FSTL5: variants seen among roughly 807,000 people sequenced by gnomAD.
FSTL5 encodes the protein follistatin like 5, also known as follistatin-related protein 5.
In FSTL5, 62 loss-of-function variants were observed where a neutral mutation model predicts 89.1. The observed-to-expected ratio is 0.70, with a 90% confidence interval of 0.57 to 0.86. The LOEUF (loss-of-function observed/expected upper bound fraction) is 0.86. Ranked by LOEUF, FSTL5 falls within the 40% of genes least tolerant of loss-of-function variation. FSTL5 has a pLI of 0.00. For synonymous variants in FSTL5, 383 were observed against 346.2 expected, an observed-to-expected ratio of 1.11 and a Z score of -1.18; for missense variants, 1,057 against 1,001.6, an observed-to-expected ratio of 1.06 and a Z score of -0.75.
At chr4:161,407,427 G>C (rs1314907570) in intron 15 of FSTL5, among the ~76,000 whole-genome samples, 2 of 152,180 alleles carry the variant, frequency 1.3e-5, no homozygotes, top group Non-Finnish European at 2.9e-5. Context: ...TGAAGAGGGA[G>C]GAGGCTAGAA....
At position 161,385,873 on chromosome 4, in the gene FSTL5, A is replaced by G; in HGVS notation, c.2418T>C (p.Phe806=). 2 of 1,613,974 alleles carry G rather than the reference A, an allele frequency of 1.2e-6. No individual in the cohort carries two copies. Among genetic ancestry groups the G allele is most frequent in the Non-Finnish European group, 1.7e-6 (2 of 1,179,930 alleles). The change falls in exon 16 of 16, where the codon TTT becomes TTC. Residue 806 remains phenylalanine, a synonymous_variant. Coordinates refer to ENST00000306100, the MANE Select transcript of FSTL5 (RefSeq NM_020116.5). ...KNRQIQDSGL[F]GQYLMTPSKD... is the part of the protein sequence containing the mutation. ...TGGAAGGTGTCATCAGGTATTGACC[A>G]AACAAGCCACTGTCCTGGATTTGCC...
intron 3 of FSTL5, among the ~76,000 whole-genome samples, chr4:161,951,508 CT>C (rs1212587130): frequency 6.6e-6 from 1 of 152,034 alleles, no homozygotes; most frequent in Non-Finnish European, 1.5e-5. Context: ...ACTTCTCTGT[CT>C]TTTTATCATT....
chr4:161,802,627 C>T (rs938172421), intron 4 of FSTL5, among the ~76,000 whole-genome samples: 1 of 151,466 alleles, frequency 6.6e-6, no homozygotes, highest in Non-Finnish European at 1.5e-5. Flanking sequence ...ATTTTGAATA[C>T]GATTTAATGG....
At chr4:161,791,395 C>A (rs957031076) in intron 4 of FSTL5, among the ~76,000 whole-genome samples, 4 of 69,246 alleles carry the variant, frequency 5.8e-5, no homozygotes, top group African/African-American at 1.8e-4. Flanking sequence ...TCTTAAATTA[C>A]AGATTGAAAC....
intron 7 of FSTL5, among the ~76,000 whole-genome samples, chr4:161,620,568 A>G (rs1735085729): frequency 6.6e-6 from 1 of 152,168 alleles, no homozygotes; most frequent in Non-Finnish European, 1.5e-5. Flanking sequence ...AGGTAGGAGA[A>G]TCGCTTGAAC....
chr4:161,627,535 C>T (rs536268583), intron 7 of FSTL5, among the ~76,000 whole-genome samples: 1 of 152,220 alleles, frequency 6.6e-6, no homozygotes, highest in East Asian at 1.9e-4. Flanking sequence ...ATAACCAAAC[C>T]TTCAAGATCT....
In FSTL5 at chr4:162,128,255, T is replaced by C. The variant is rs1448851365; in HGVS notation, c.-16-16843A>G. ...CAATATGTCTAGATATAAAGTTTTCTAAAACCCAGAGTCTTTTCAAGTTTT... is the reference window on the plus strand; with the variant it reads ...CAATATGTCTAGATATAAAGTTTTCCAAAACCCAGAGTCTTTTCAAGTTTT... On this transcript the variant is annotated intron_variant, in intron 1 of 15. Coordinates refer to ENST00000306100, the MANE Select transcript of FSTL5 (RefSeq NM_020116.5). Among the ~76,000 whole-genome samples, 3 of 152,350 alleles carry C rather than the reference T, an allele frequency of 2.0e-5. No individual in the cohort carries two copies. The East Asian group carries it at 5.8e-4, about 29-fold the overall frequency.
chr4:162,128,299 G>T (rs1241701043), intron 1 of FSTL5, among the ~76,000 whole-genome samples: 2 of 152,074 alleles, frequency 1.3e-5, no homozygotes, highest in Admixed American at 1.3e-4. Flanking sequence ...GTTTTGCTGT[G>T]GTCTGAATGT....
chr4:161,992,329 A>C lies in FSTL5; in HGVS notation c.160+41296T>G, dbSNP rs1339681789. Among the ~76,000 whole-genome samples the C allele has an allele frequency of 7.2e-5, 11 of 152,332 alleles. No homozygotes were observed. In the South Asian group the frequency reaches 2.3e-3, roughly 32 times the overall value. On this transcript the variant is annotated intron_variant, in intron 3 of 15. Coordinates refer to ENST00000306100, the MANE Select transcript of FSTL5 (RefSeq NM_020116.5). ...AGGTAAAAGTAGCATGAACAAAAGC[A>C]GTAGAAGCAGAAACTGTGGGACAAC...
intron 4 of FSTL5, among the ~76,000 whole-genome samples, chr4:161,881,829 A>G (rs1007144521): frequency 1.3e-5 from 2 of 152,082 alleles, no homozygotes; most frequent in Non-Finnish European, 2.9e-5. Context: ...ATCATTTACA[A>G]TTTGGGCCTT....
At chr4:161,839,812 A>G (rs1445214172) in intron 4 of FSTL5, among the ~76,000 whole-genome samples, 2 of 152,188 alleles carry the variant, frequency 1.3e-5, no homozygotes, top group African/African-American at 4.8e-5. Flanking sequence ...GCATTTGCTA[A>G]AATTCAAAGG....
At position 162,107,757 on chromosome 4, in the gene FSTL5, C is replaced by T. The variant is rs374314498; in HGVS notation, c.126+3514G>A. 3.9e-4 allele frequency among the ~76,000 whole-genome samples: 60 copies of T among 152,208 alleles called. 1 individual carries two copies. The South Asian group carries it at 0.012, about 30-fold the overall frequency. ...CAATGTCATTTTGCTTTACTATCAT[C>T]ATCGTCTTTATTTATTTTCTGGCCT... On this transcript the variant is annotated intron_variant, in intron 2 of 15. Coordinates refer to ENST00000306100, the MANE Select transcript of FSTL5 (RefSeq NM_020116.5).
rs1371191113 is a variant in FSTL5 at position 161,974,425 on chromosome 4, C to T, written c.161-53773G>A. On this transcript the variant is annotated intron_variant, in intron 3 of 15. Transcript: ENST00000306100. The stretch of plus-strand genomic sequence containing the variant: ...AGAGATATAGATCAATGGAACAGAA[C>T]AGAGCCCTCAGAAATAACGCCGCAT... Among the ~76,000 whole-genome samples, 212 of 142,774 alleles carry T rather than the reference C, an allele frequency of 1.5e-3. 1 individual carries two copies. The highest frequency in any genetic ancestry group is 5.1e-3 in the African/African-American group (197 of 38,346). 93.7% of individuals were successfully genotyped at this position (142,774 alleles called of 152,430 possible). A position where few individuals can be genotyped will look rare whatever the true frequency, so the allele number is the denominator to read the frequency against.
At chr4:161,647,577 T>C (rs1736195338) in intron 7 of FSTL5, among the ~76,000 whole-genome samples, 1 of 151,862 alleles carries the variant, frequency 6.6e-6, no homozygotes, top group Non-Finnish European at 1.5e-5. Context: ...AAAGTTTCAG[T>C]GATGCAAGAT....
In FSTL5 at chr4:161,689,451, C is replaced by A. The variant is rs527613106; in HGVS notation, c.728-32957G>T. Among the ~76,000 whole-genome samples, 10 of 152,096 alleles carry A rather than the reference C, an allele frequency of 6.6e-5. No homozygotes were observed. In the East Asian group the frequency reaches 1.9e-3, roughly 29 times the overall value. On this transcript the variant is annotated intron_variant, in intron 6 of 15. Coordinates refer to ENST00000306100, the MANE Select transcript of FSTL5 (RefSeq NM_020116.5). ...TTAACTTTATAGACAATATAAAAATCTTATTTAAATTATTATACTAATCAT... is the reference window on the plus strand; with the variant it reads ...TTAACTTTATAGACAATATAAAAATATTATTTAAATTATTATACTAATCAT...
intron 3 of FSTL5, among the ~76,000 whole-genome samples, chr4:161,935,137 T>A (rs1734396342): frequency 6.6e-6 from 1 of 152,122 alleles, no homozygotes; most frequent in Non-Finnish European, 1.5e-5. Context: ...AAATTAGAAC[T>A]GCTCCAGTTC....
At chr4:161,423,115 C>A (rs184931125) in intron 15 of FSTL5, among the ~76,000 whole-genome samples, 1 of 152,256 alleles carries the variant, frequency 6.6e-6, no homozygotes, top group African/African-American at 2.4e-5. Context: ...ACTGATGAGG[C>A]TTAAAACTCC....
chr4:161,440,955 A>G (rs1240646126), intron 15 of FSTL5, among the ~76,000 whole-genome samples: 1 of 152,164 alleles, frequency 6.6e-6, no homozygotes, highest in Non-Finnish European at 1.5e-5. Flanking sequence ...GTGTCTAAAC[A>G]TTTACCTACC....
chr4:161,440,294 AT>A (rs1732715290), intron 15 of FSTL5, among the ~76,000 whole-genome samples: 1 of 151,836 alleles, frequency 6.6e-6, no homozygotes, highest in African/African-American at 2.4e-5. Context: ...TTGATAGAGT[AT>A]TTTTTCCTCC....
Sources: allele counts gnomAD v4.1 joint callset (sites outside exome capture counted in the v4.1 genomes callset), GRCh38; gene constraint gnomAD v4.1.1; transcripts MANE v1.5; gene names NCBI Gene and HGNC (gene_info 2026-07-23, HGNC 2026-07-21).